The following MYO3A variants were observed in gnomAD, a reference collection of about 807,000 sequenced individuals.
The protein encoded by MYO3A is myosin IIIA.
In MYO3A, 180 loss-of-function variants were observed where a neutral mutation model predicts 192.7. The ratio of observed to expected loss-of-function variants is 0.93; its 90% CI spans 0.83 to 1.06. MYO3A has a LOEUF of 1.06. MYO3A is among the 50% of genes least tolerant of loss of function. The probability of loss-of-function intolerance (pLI) is 0.00; values close to 1 mark genes in which losing one functional copy is unlikely to be tolerated. For missense variants in MYO3A, 1,896 were observed against 1,905.0 expected (o/e 1.00, Z 0.09); for synonymous variants, 628 against 645.3 (o/e 0.97, Z 0.41).
chr10:26,115,764 C>T (rs1429541984), intron 17 of MYO3A, among the ~76,000 whole-genome samples: 1 of 152,140 alleles, frequency 6.6e-6, no homozygotes, highest in Non-Finnish European at 1.5e-5. Context: ...TAAGTGCCTT[C>T]TAAACTTTCT....
At position 26,021,661 on chromosome 10, in the gene MYO3A, A is replaced by G; in HGVS notation, c.731+13A>G. 1 of 1,614,016 alleles carries G rather than the reference A, an allele frequency of 6.2e-7. No individual in the cohort carries two copies. Among genetic ancestry groups the G allele is most frequent in the Middle Eastern group, 1.6e-4 (1 of 6,062 alleles). On this transcript the variant is annotated intron_variant, in intron 8 of 34. Transcript: ENST00000642920. ...TCAAAATACCAAGGTCAGATGACTA[A>G]CATTGGGTCCAGTATCTGCAGCCCG...
chr10:26,151,201 G>C (rs1214689480), intron 23 of MYO3A, among the ~76,000 whole-genome samples: 2 of 152,102 alleles, frequency 1.3e-5, no homozygotes, highest in African/African-American at 4.8e-5. Context: ...TTGATTGAGA[G>C]TATTGGTCAC....
intron 6 of MYO3A, among the ~76,000 whole-genome samples, chr10:26,004,480 G>T (rs1841054523): frequency 6.6e-6 from 1 of 151,086 alleles, no homozygotes; most frequent in Non-Finnish European, 1.5e-5. Flanking sequence ...TAATGTGAAT[G>T]CATGTGAGTG....
At chr10:26,080,426 A>C (rs1044477433) in intron 14 of MYO3A, among the ~76,000 whole-genome samples, 2 of 149,978 alleles carry the variant, frequency 1.3e-5, no homozygotes, top group African/African-American at 4.9e-5. Flanking sequence ...TTCTCCCTTC[A>C]CTTCTTGTAT....
At chr10:25,938,898 A>T (rs773649457) in intron 2 of MYO3A, among the ~76,000 whole-genome samples, 26 of 152,180 alleles carry the variant, frequency 1.7e-4, no homozygotes, top group Non-Finnish European at 3.2e-4. Flanking sequence ...AGCAGTTATT[A>T]CTAAGGTGGG....
chr10:26,176,076 C>T (rs540560195), intron 30 of MYO3A, among the ~76,000 whole-genome samples: 1 of 152,196 alleles, frequency 6.6e-6, no homozygotes, highest in East Asian at 1.9e-4. Context: ...GGGCGGATCA[C>T]GAGGTCAGGA....
intron 32 of MYO3A, among the ~76,000 whole-genome samples, chr10:26,197,140 G>C (rs558790430): frequency 6.6e-6 from 1 of 152,204 alleles, no homozygotes; most frequent in Non-Finnish European, 1.5e-5. Flanking sequence ...ATCAGGTGCC[G>C]TAGCCCAGGA....
chr10:26,183,643 T>A (rs1400602766), intron 31 of MYO3A, among the ~76,000 whole-genome samples: 1 of 152,056 alleles, frequency 6.6e-6, no homozygotes, highest in Non-Finnish European at 1.5e-5. Context: ...CCATGACCTA[T>A]AGGATGGGTA....
intron 20 of MYO3A, among the ~76,000 whole-genome samples, chr10:26,129,001 A>G (rs943772267): frequency 6.6e-6 from 1 of 152,218 alleles, no homozygotes; most frequent in Non-Finnish European, 1.5e-5. Context: ...TCATTTTGTC[A>G]GGGTACAATG....
intron 4 of MYO3A, among the ~76,000 whole-genome samples, chr10:25,979,921 C>T (rs1329056125): frequency 6.6e-6 from 1 of 152,086 alleles, no homozygotes; most frequent in African/African-American, 2.4e-5. Context: ...TAAAATCTCC[C>T]CCAGGCAAAA....
At chr10:26,103,624 G>A (rs1349096199) in intron 17 of MYO3A, among the ~76,000 whole-genome samples, 2 of 152,080 alleles carry the variant, frequency 1.3e-5, no homozygotes, top group Non-Finnish European at 2.9e-5. Flanking sequence ...TTTGCTTTTT[G>A]TCTATTATGA....
intron 10 of MYO3A, among the ~76,000 whole-genome samples, chr10:26,029,883 G>T (rs59646929): frequency 0.1 from 15,152 of 151,836 alleles, 826 homozygotes; most frequent in Non-Finnish European, 0.12. Context: ...TTTTATTTTG[G>T]TTTTTCTTTC....
rs577967961 is a variant in MYO3A at position 26,193,983 on chromosome 10, A to C, written c.4545+672A>C. Among the ~76,000 whole-genome samples the C allele has an allele frequency of 1.3e-3, 198 of 152,276 alleles. 5 individuals are homozygous for C. In the South Asian group the frequency reaches 0.04, roughly 31 times the overall value. On this transcript the variant is annotated intron_variant, in intron 32 of 34. Coordinates refer to ENST00000642920, the MANE Select transcript of MYO3A (RefSeq NM_017433.5). ...TTCTCTATAAATGCCACTGTCATCC[A>C]CATGGTCTCATAAACCAAGAACCTG...
chr10:25,938,435 G>GT (rs1284489305), intron 2 of MYO3A, among the ~76,000 whole-genome samples: 1 of 152,168 alleles, frequency 6.6e-6, no homozygotes, highest in Non-Finnish European at 1.5e-5. Context: ...ATTTTGTGGG[G>GT]TTTTTAGCAG....
At chr10:26,159,528 C>T (rs1841372161) in intron 26 of MYO3A, among the ~76,000 whole-genome samples, 1 of 150,750 alleles carries the variant, frequency 6.6e-6, no homozygotes. Flanking sequence ...TACAGGTGCC[C>T]ACCACCACGC....
At chr10:26,150,030 G>A (rs1046654104) in intron 23 of MYO3A, among the ~76,000 whole-genome samples, 31 of 16,294 alleles carry the variant, frequency 1.9e-3, no homozygotes, top group Non-Finnish European at 4.9e-3. Flanking sequence ...AATAGTATTC[G>A]TGTGTGTGTG....
At chr10:25,959,508 T>C in intron 4 of MYO3A, among the ~76,000 whole-genome samples, 1 of 152,092 alleles carries the variant, frequency 6.6e-6, no homozygotes, top group Non-Finnish European at 1.5e-5. Context: ...TAGTAATCCA[T>C]GTTCTTAATT....
intron 11 of MYO3A, among the ~76,000 whole-genome samples, chr10:26,068,371 T>G (rs1428875321): frequency 6.6e-6 from 1 of 152,196 alleles, no homozygotes. Flanking sequence ...GGACATTCCA[T>G]AAAGCCACTG....
At position 26,096,447 on chromosome 10, in the gene MYO3A, C is replaced by T; in HGVS notation, c.1629C>T (p.Ala543=). The T allele has an allele frequency of 6.2e-7, 1 of 1,613,674 alleles. No individual in the cohort carries two copies. The highest frequency in any genetic ancestry group is 1.1e-5 in the South Asian group (1 of 91,010). The change falls in exon 16 of 35, where the codon GCC becomes GCT. Residue 543 remains alanine, a synonymous_variant. Coordinates refer to ENST00000642920, the MANE Select transcript of MYO3A (RefSeq NM_017433.5). ...GTTTGGCTGAAAAGAAGAAACTAGC[C>T]CATTACAAACTGCCTGAAAATAAGC... is the stretch of plus-strand genomic sequence containing the variant. The part of the protein sequence containing the change: ...YAGLAEKKKL[A]HYKLPENKPP...
Sources: gnomAD v4.1 joint callset for allele counts (sites outside exome capture counted in the v4.1 genomes callset) on GRCh38, gnomAD v4.1.1 for gene constraint, MANE v1.5 for transcripts, NCBI Gene and HGNC (gene_info 2026-07-23, HGNC 2026-07-21) for gene names.